Variants in STRADA observed in about 807,000 individuals in gnomAD.
The protein encoded by STRADA is STE20 related adaptor alpha.
A neutral mutation model predicts 55.0 loss-of-function variants in STRADA; 26 were observed. That is an observed-to-expected ratio of 0.47 (90% CI 0.35 to 0.66). The LOEUF (loss-of-function observed/expected upper bound fraction) is 0.66. Among genes scored for constraint, STRADA ranks in the 30% least tolerant of loss-of-function variants. The pLI is 0.01. For synonymous variants in STRADA, 197 were observed against 210.9 expected (o/e 0.93, Z 0.57); for missense variants, 443 against 549.7 (o/e 0.81, Z 1.94).
intron 4 of STRADA, among the ~76,000 whole-genome samples, chr17:63,716,099 T>A (rs1265929540): frequency 6.6e-6 from 1 of 151,246 alleles, no homozygotes; most frequent in South Asian, 2.1e-4. Context: ...TACGTGGTTT[T>A]TTTTTTTTTT....
intron 12 of STRADA, 22 bp downstream of exon 12, chr17:63,703,983 C>T (rs763605641): frequency 2.2e-5 from 36 of 1,613,844 alleles, no homozygotes; most frequent in Non-Finnish European, 2.8e-5. Context: ...GAACCAGAAC[C>T]AGAACGAAGG....
rs1195339878 is a variant in STRADA, at chr17:63,723,227, AAC to A, written c.123+69_123+70del. 4.6e-6 allele frequency: 7 copies of A among 1,534,340 alleles called. No homozygotes were observed. In the African/African-American group the frequency reaches 8.2e-5, roughly 18 times the overall value. On this transcript the variant is annotated intron_variant, in intron 4 of 12. Transcript: ENST00000336174. The stretch of plus-strand genomic sequence containing the variant: ...GAAACATAAAATGATAAGCCAACAA[AAC>A]ACACAAACTTCCACAAGAAGTCATC...
chr17:63,716,426 C>T (rs1396483774), intron 4 of STRADA, among the ~76,000 whole-genome samples: 1 of 152,044 alleles, frequency 6.6e-6, no homozygotes, highest in Non-Finnish European at 1.5e-5. Flanking sequence ...ATCTTTTCCC[C>T]AACACTTGGT....
intron 6 of STRADA, among the ~76,000 whole-genome samples, chr17:63,712,070 C>T (rs545923804): frequency 2.0e-5 from 3 of 152,264 alleles, no homozygotes; most frequent in Non-Finnish European, 4.4e-5. Context: ...CATCAGGTAA[C>T]CACCAATTCA....
intron 4 of STRADA, 117 bp downstream of exon 4, chr17:63,723,181 A>C: frequency 8.1e-7 from 1 of 1,229,198 alleles, no homozygotes; most frequent in Non-Finnish European, 1.2e-6. Context: ...ACTACAAATA[A>C]AGCTCAGTGA....
intron 1 of STRADA, among the ~76,000 whole-genome samples, chr17:63,735,692 GA>G (rs2038370680): frequency 6.6e-6 from 1 of 152,210 alleles, no homozygotes. Flanking sequence ...TCTAGGAGTT[GA>G]AAAGTGGACA....
chr17:63,704,392 G>T lies in STRADA; in HGVS notation c.1049C>A (p.Pro350His), dbSNP rs534294111. ...PSHPYHRTFS[P>H]HFHHFVEQCL... is the part of the protein sequence containing the mutation. The stretch of plus-strand genomic sequence containing the variant: ...CTGCTCCACAAAGTGGTGGAAGTGG[G>T]GGGAGAAGGTTCGGTGGTAGGGGTG... The change falls in exon 11 of 13, where the codon CCC becomes CAC. Residue 350 changes from proline to histidine, a missense_variant. Coordinates refer to ENST00000336174, the MANE Select transcript of STRADA (RefSeq NM_001003787.4). 4.2e-5 allele frequency: 68 copies of T among 1,612,804 alleles called. 3 individuals carry two copies. In the South Asian group the frequency reaches 7.3e-4, roughly 17 times the overall value.
intron 6 of STRADA, 68 bp downstream of exon 6, chr17:63,713,337 AT>A: frequency 6.4e-7 from 1 of 1,574,570 alleles, no homozygotes; most frequent in South Asian, 1.2e-5. Context: ...TTTCTTTGTA[AT>A]TCCTTGTAAT....
intron 1 of STRADA, among the ~76,000 whole-genome samples, chr17:63,732,662 G>C (rs2038151233): frequency 6.6e-6 from 1 of 152,114 alleles, no homozygotes; most frequent in Admixed American, 6.5e-5. Context: ...AGGCATGGTG[G>C]CATGTGCCTG....
chr17:63,713,974 A>T, intron 5 of STRADA, 32 bp downstream of exon 5: 1 of 1,569,302 alleles, frequency 6.4e-7, no homozygotes, highest in Non-Finnish European at 8.8e-7. Context: ...TGGAGCAGAA[A>T]GCAGGAGAGT....
At chr17:63,730,069 C>T (rs761892409) in intron 1 of STRADA, among the ~76,000 whole-genome samples, 27 of 152,046 alleles carry the variant, frequency 1.8e-4, no homozygotes, top group Non-Finnish European at 3.8e-4. Context: ...CTCCTGACTT[C>T]AGATGATCCA....
At chr17:63,712,956 G>A (rs1259673499) in intron 6 of STRADA, among the ~76,000 whole-genome samples, 3 of 149,748 alleles carry the variant, frequency 2.0e-5, no homozygotes, top group Admixed American at 6.7e-5. Context: ...AGCCGAGATC[G>A]TGCCACTGCA....
At chr17:63,730,603 C>T (rs968263504) in intron 1 of STRADA, among the ~76,000 whole-genome samples, 3 of 152,070 alleles carry the variant, frequency 2.0e-5, no homozygotes, top group Admixed American at 2.0e-4. Context: ...GTTGCCCAGG[C>T]TGGAGTGTGG....
At chr17:63,722,881 CTT>C (rs1358201787) in intron 4 of STRADA, among the ~76,000 whole-genome samples, 1 of 151,950 alleles carries the variant, frequency 6.6e-6, no homozygotes, top group African/African-American at 2.4e-5. Flanking sequence ...GAGGTCCTGT[CTT>C]ATTATCTAGG....
chr17:63,728,160 C>CT, intron 2 of STRADA, 174 bp downstream of exon 2: 1 of 558,184 alleles, frequency 1.8e-6, no homozygotes, highest in Non-Finnish European at 3.1e-6. Context: ...TGGTCAGCCT[C>CT]TGTCTGCAAA....
chr17:63,740,772 G>A (rs1233682672), intron 1 of STRADA, among the ~76,000 whole-genome samples: 1 of 152,002 alleles, frequency 6.6e-6, no homozygotes, highest in African/African-American at 2.4e-5. Context: ...CCATTTCTGG[G>A]GCCACAACTA....
chr17:63,703,946 G>A (rs1283157084), intron 12 of STRADA, 59 bp downstream of exon 12: 9 of 1,609,522 alleles, frequency 5.6e-6, no homozygotes, highest in Non-Finnish European at 7.6e-6. Flanking sequence ...AAGCTAAAGG[G>A]ATTGTGAGTT....
intron 1 of STRADA, among the ~76,000 whole-genome samples, chr17:63,731,381 G>GC (rs1178395624): frequency 1.4e-5 from 2 of 147,230 alleles, no homozygotes; most frequent in Non-Finnish European, 3.0e-5. Flanking sequence ...CCCTGCCTCA[G>GC]CCACCCCAGT....
At chr17:63,712,220 GTT>G (rs2036547317) in intron 6 of STRADA, among the ~76,000 whole-genome samples, 1 of 152,046 alleles carries the variant, frequency 6.6e-6, no homozygotes, top group South Asian at 2.1e-4. Context: ...GTCTCTCTCC[GTT>G]TTGTTTTGTT....
Sources: allele counts gnomAD v4.1 joint callset (sites outside exome capture counted in the v4.1 genomes callset), GRCh38; gene constraint gnomAD v4.1.1; transcripts MANE v1.5; gene names NCBI Gene and HGNC (gene_info 2026-07-23, HGNC 2026-07-21).